Variants in RASAL2 observed in about 807,000 individuals in gnomAD.
RASAL2 encodes the protein RAS protein activator like 2.
Under a neutral mutation model 128.9 loss-of-function variants are expected in RASAL2, and 58 were observed. The observed-to-expected ratio is 0.45, with a 90% CI of 0.36 to 0.56. The LOEUF is 0.56. Ranked by LOEUF, RASAL2 falls within the 20% of genes least tolerant of loss-of-function variation. The pLI is 0.00. For missense variants in RASAL2, 1,360 were observed against 1,601.6 expected, an observed-to-expected ratio of 0.85 and a Z score of 2.57; for synonymous variants, 561 against 580.8, an observed-to-expected ratio of 0.97 and a Z score of 0.49.
intron 3 of RASAL2, among the ~76,000 whole-genome samples, chr1:178,361,262 T>C (rs1460915227): frequency 1.3e-5 from 2 of 152,146 alleles, no homozygotes; most frequent in African/African-American, 4.8e-5. Flanking sequence ...CAGAAGGAAA[T>C]TAATGAGTTG....
intron 1 of RASAL2, among the ~76,000 whole-genome samples, chr1:178,135,582 C>G (rs1263910924): frequency 6.8e-6 from 1 of 148,098 alleles, no homozygotes; most frequent in Non-Finnish European, 1.5e-5. Context: ...AGTTTAACTA[C>G]TTGATTTACC....
intron 1 of RASAL2, among the ~76,000 whole-genome samples, chr1:178,200,022 C>T (rs1434552220): frequency 2.0e-5 from 3 of 152,310 alleles, no homozygotes; most frequent in East Asian, 1.9e-4. Context: ...CTCTGGGACT[C>T]GGACCAGCTT....
At chr1:178,296,473 C>T (rs1234393007) in intron 2 of RASAL2, among the ~76,000 whole-genome samples, 1 of 152,094 alleles carries the variant, frequency 6.6e-6, no homozygotes, top group Non-Finnish European at 1.5e-5. Context: ...GATCCTCTTG[C>T]CTCAGCCTCC....
At chr1:178,310,137 A>C (rs1323144731) in intron 3 of RASAL2, among the ~76,000 whole-genome samples, 2 of 152,236 alleles carry the variant, frequency 1.3e-5, no homozygotes, top group Non-Finnish European at 2.9e-5. Flanking sequence ...AATATTTTCA[A>C]GATGCTAGAA....
intron 3 of RASAL2, among the ~76,000 whole-genome samples, chr1:178,339,842 A>T (rs982853555): frequency 1.3e-5 from 2 of 152,216 alleles, no homozygotes; most frequent in Non-Finnish European, 2.9e-5. Flanking sequence ...AAGTCAAAAA[A>T]TAGTCAAATA....
intron 3 of RASAL2, among the ~76,000 whole-genome samples, chr1:178,312,060 G>GA (rs938708658): frequency 1.3e-5 from 2 of 150,386 alleles, no homozygotes; most frequent in South Asian, 2.1e-4. Context: ...AAAGTGGAGA[G>GA]AAAAAAAAGA....
intron 1 of RASAL2, 91 bp downstream of exon 1, chr1:178,094,785 C>T: frequency 6.8e-7 from 1 of 1,465,258 alleles, no homozygotes; most frequent in Non-Finnish European, 9.3e-7. Flanking sequence ...ATTCCCAGTC[C>T]TCATCCGTGC....
intron 1 of RASAL2, among the ~76,000 whole-genome samples, chr1:178,114,744 G>A (rs1398003192): frequency 4.6e-5 from 7 of 152,086 alleles, no homozygotes; most frequent in Admixed American, 2.0e-4. Context: ...GGATGGTCTC[G>A]ATCTCCTGAC....
chr1:178,242,880 A>G (rs1006593897), intron 1 of RASAL2, among the ~76,000 whole-genome samples: 1 of 151,910 alleles, frequency 6.6e-6, no homozygotes, highest in Non-Finnish European at 1.5e-5. Flanking sequence ...TATTTCTTTT[A>G]TAAGGTTTTT....
intron 1 of RASAL2, among the ~76,000 whole-genome samples, chr1:178,201,044 C>A (rs1662848822): frequency 6.6e-6 from 1 of 152,138 alleles, no homozygotes; most frequent in South Asian, 2.1e-4. Context: ...AGGTGAGGTT[C>A]AGAGTGTGAC....
chr1:178,396,580 A>C (rs999001029), intron 4 of RASAL2, among the ~76,000 whole-genome samples: 1 of 152,136 alleles, frequency 6.6e-6, no homozygotes. Flanking sequence ...TGGTCTTCTC[A>C]GCTGTACTTA....
At chr1:178,365,406 C>G (rs919636968) in intron 3 of RASAL2, among the ~76,000 whole-genome samples, 1 of 151,940 alleles carries the variant, frequency 6.6e-6, no homozygotes, top group Non-Finnish European at 1.5e-5. Context: ...GAGATGCAAT[C>G]ATGGTATCTA....
At chr1:178,451,235 C>T (rs888676514) in intron 9 of RASAL2, among the ~76,000 whole-genome samples, 3 of 152,066 alleles carry the variant, frequency 2.0e-5, no homozygotes, top group Non-Finnish European at 4.4e-5. Flanking sequence ...GTAGAGCGAG[C>T]CTTAAAACAT....
chr1:178,193,208 T>C (rs1260065195), intron 1 of RASAL2, among the ~76,000 whole-genome samples: 1 of 152,186 alleles, frequency 6.6e-6, no homozygotes, highest in Admixed American at 6.5e-5. Context: ...TTCACAAACA[T>C]TGACTGATAA....
chr1:178,100,795 G>A (rs1347135395), intron 1 of RASAL2, among the ~76,000 whole-genome samples: 2 of 152,088 alleles, frequency 1.3e-5, no homozygotes, highest in Non-Finnish European at 2.9e-5. Context: ...TTAAGTAGGT[G>A]AACCACAAAA....
chr1:178,275,299 A>G (rs939127847), intron 1 of RASAL2, among the ~76,000 whole-genome samples: 18 of 152,194 alleles, frequency 1.2e-4, no homozygotes, highest in Non-Finnish European at 2.5e-4. Flanking sequence ...AAGTGATCTC[A>G]GCTCCCAAGT....
At chr1:178,283,500 G>T in intron 1 of RASAL2, 64 bp from the exon 2 acceptor site, 1 of 1,546,466 alleles carries the variant, frequency 6.5e-7, no homozygotes, top group Admixed American at 1.9e-5. Flanking sequence ...TTTTACATTT[G>T]AAATACTGGT....
Position 178,473,654 on chromosome 1 carries a change from G to A in RASAL2, c.*415G>A, listed in dbSNP as rs552741451. 6.0e-5 allele frequency: 12 copies of A among 200,564 alleles called. No homozygotes were observed. The highest frequency in any genetic ancestry group is 1.1e-4 in the Non-Finnish European group (11 of 99,602). The allele number at this position is 200,564 out of a possible 1,614,324, so 12.4% of individuals were successfully genotyped here. A position where few individuals can be genotyped will look rare whatever the true frequency, so the allele number is the denominator to read the frequency against. On this transcript the variant is annotated 3_prime_UTR_variant, in exon 18 of 18. Transcript: ENST00000367649. ...TGTAGGTTCAGTAGGTAGAGACCAA[G>A]CATCTATCTGATAGAAGCACATGGA...
chr1:178,394,479 T>C (rs1203951015), intron 4 of RASAL2, among the ~76,000 whole-genome samples: 2 of 152,208 alleles, frequency 1.3e-5, no homozygotes, highest in Non-Finnish European at 1.5e-5. Context: ...CTTTATACTC[T>C]ATTTATAAAG....
Sources: allele counts gnomAD v4.1 joint callset (sites outside exome capture counted in the v4.1 genomes callset), GRCh38; gene constraint gnomAD v4.1.1; transcripts MANE v1.5; gene names NCBI Gene and HGNC (gene_info 2026-07-23, HGNC 2026-07-21).